Variants in RYK observed in about 807,000 individuals in gnomAD.
The protein encoded by RYK is receptor like tyrosine kinase, also known as inactive tyrosine-protein kinase RYK.
RYK carries 21 observed loss-of-function variants against 70.2 expected under a neutral mutation model. The ratio of observed to expected loss-of-function variants is 0.30; its 90% CI spans 0.21 to 0.43. RYK has a LOEUF of 0.43. Among genes scored for constraint, RYK ranks in the 20% least tolerant of loss-of-function variants. RYK has a pLI of 1.00. For missense variants in RYK, 604 were observed against 753.3 expected (o/e 0.80, Z 2.32); for synonymous variants, 267 against 278.0 (o/e 0.96, Z 0.39).
chr3:134,223,193 G>C lies in RYK; in HGVS notation c.233-654C>G, dbSNP rs540904999. On this transcript the variant is annotated intron_variant, in intron 1 of 14. Coordinates refer to ENST00000623711, the MANE Select transcript of RYK (RefSeq NM_002958.4). ...AAACATAAATGCTTGTTAACCAAGA[G>C]GTTAGTACTATAGACAAAACAAAAA... 4.6e-5 allele frequency among the ~76,000 whole-genome samples: 7 copies of C among 152,226 alleles called. No individual in the cohort carries two copies. In the South Asian group the frequency reaches 1.5e-3, roughly 32 times the overall value.
chr3:134,207,559 A>T, intron 4 of RYK, 34 bp from the exon 5 acceptor site: 1 of 1,418,728 alleles, frequency 7.0e-7, no homozygotes, highest in South Asian at 1.3e-5. Context: ...TGCTTTAGAA[A>T]TTCTCTTTTC....
chr3:134,219,340 G>A (rs912298487), intron 2 of RYK, among the ~76,000 whole-genome samples: 1 of 152,128 alleles, frequency 6.6e-6, no homozygotes, highest in Non-Finnish European at 1.5e-5. Flanking sequence ...TATTTTAACT[G>A]TTTTAAAGGA....
intron 6 of RYK, among the ~76,000 whole-genome samples, chr3:134,200,724 CTT>C (rs1313484225): frequency 3.3e-5 from 5 of 152,174 alleles, no homozygotes; most frequent in Non-Finnish European, 7.3e-5. Flanking sequence ...GGCTATATAA[CTT>C]AATCCATGTA....
Position 134,211,896 on chromosome 3 carries a change from CAGAG to C in RYK, c.355-293_355-290del, listed in dbSNP as rs1358066731. ...CCTGCTGAGAACTATGCAGCACTGA[CAGAG>C]AGGCCATGGAGAGCCAGATATGAAG... On this transcript the variant is annotated intron_variant, in intron 2 of 14. Coordinates refer to ENST00000623711, the MANE Select transcript of RYK (RefSeq NM_002958.4). Among the ~76,000 whole-genome samples the C allele has an allele frequency of 2.6e-5, 4 of 152,214 alleles. No homozygotes were observed. The South Asian group carries it at 6.2e-4, about 24-fold the overall frequency.
At chr3:134,248,752 C>G (rs1027076837) in intron 1 of RYK, among the ~76,000 whole-genome samples, 2 of 152,082 alleles carry the variant, frequency 1.3e-5, no homozygotes, top group Admixed American at 1.3e-4. Flanking sequence ...GAGCCGAGAT[C>G]ACGCCACTGC....
chr3:134,205,947 C>T lies in RYK; in HGVS notation c.643+1525G>A, dbSNP rs960146500. 1.4e-4 allele frequency among the ~76,000 whole-genome samples: 22 copies of T among 152,106 alleles called. 1 individual carries two copies. Among genetic ancestry groups the T allele is most frequent in the Admixed American group, 1.3e-3 (20 of 15,276 alleles). ...TGGGTGGATGAATAAATAGAAAGGGCGGGAAGATGAGAGGCAGCAAGGAAG... is the reference window on the plus strand; with the variant it reads ...TGGGTGGATGAATAAATAGAAAGGGTGGGAAGATGAGAGGCAGCAAGGAAG... On this transcript the variant is annotated intron_variant, in intron 5 of 14. Coordinates refer to ENST00000623711, the MANE Select transcript of RYK (RefSeq NM_002958.4).
At chr3:134,199,962 T>A (rs13071154) in intron 6 of RYK, among the ~76,000 whole-genome samples, 1,445 of 7,862 alleles carry the variant, frequency 0.18, 11 homozygotes, top group Non-Finnish European at 0.46. Flanking sequence ...TAGCTAAAGG[T>A]TTGTAAACGC....
intron 1 of RYK, among the ~76,000 whole-genome samples, chr3:134,231,308 G>C (rs529129720): frequency 2.0e-5 from 3 of 152,078 alleles, no homozygotes; most frequent in Admixed American, 6.5e-5. Flanking sequence ...CAAGGAGACG[G>C]GTGGATATAG....
At chr3:134,249,373 TA>T (rs146392941) in intron 1 of RYK, among the ~76,000 whole-genome samples, 3 of 151,176 alleles carry the variant, frequency 2.0e-5, no homozygotes, top group Admixed American at 6.6e-5. Context: ...TCTTATTACT[TA>T]AAAAAAAATA....
intron 7 of RYK, 132 bp from the exon 8 acceptor site, chr3:134,192,106 T>C: frequency 1.2e-6 from 1 of 832,612 alleles, no homozygotes; most frequent in African/African-American, 1.8e-5. Context: ...GAAACAGGCA[T>C]ATATATGAAC....
chr3:134,217,868 T>TTTTA (rs1366484117), intron 2 of RYK, among the ~76,000 whole-genome samples: 1 of 152,200 alleles, frequency 6.6e-6, no homozygotes, highest in Non-Finnish European at 1.5e-5. Context: ...ATAAGATTAA[T>TTTTA]TTTTAAAATA....
intron 9 of RYK, 117 bp from the exon 10 acceptor site, chr3:134,183,188 A>T (rs138114793): frequency 4.1e-6 from 2 of 488,576 alleles, no homozygotes; most frequent in Non-Finnish European, 6.9e-6. Flanking sequence ...TTTCATTATA[A>T]GTTACAGGTA....
Position 134,195,132 on chromosome 3 carries a change from G to T in RYK, c.839C>A (p.Thr280Lys), listed in dbSNP as rs139935782. 1 of 1,613,560 alleles carries T rather than the reference G, an allele frequency of 6.2e-7. No individual in the cohort carries two copies. The highest frequency in any genetic ancestry group is 8.5e-7 in the Non-Finnish European group (1 of 1,179,624). ...CGTGTCTGCTCTCAGATACTGAGTCGTCTGGGTGGATGGCTGAGACAGCCC... is the reference window on the plus strand; with the variant it reads ...CGTGTCTGCTCTCAGATACTGAGTCTTCTGGGTGGATGGCTGAGACAGCCC... ...SQGLSQPSTQ[T>K]TQYLRADTPN... is the part of the protein sequence containing the mutation. The change falls in exon 7 of 15, where the codon ACG becomes AAG. Residue 280 changes from threonine to lysine, a missense_variant. Thr to Lys is a moderately conservative substitution (Grantham distance 78). Coordinates refer to ENST00000623711, the MANE Select transcript of RYK (RefSeq NM_002958.4).
intron 11 of RYK, among the ~76,000 whole-genome samples, chr3:134,176,526 C>T (rs1022717870): frequency 6.6e-6 from 1 of 152,102 alleles, no homozygotes; most frequent in Non-Finnish European, 1.5e-5. Context: ...ATCACTTGAG[C>T]CCAGGAGTTC....
chr3:134,246,044 T>C (rs1023045174), intron 1 of RYK, among the ~76,000 whole-genome samples: 22 of 150,918 alleles, frequency 1.5e-4, no homozygotes, highest in African/African-American at 5.1e-4. Flanking sequence ...ATTAAAAATA[T>C]ATTAAACACA....
intron 6 of RYK, among the ~76,000 whole-genome samples, chr3:134,197,171 T>C (rs2013843939): frequency 6.6e-6 from 1 of 152,316 alleles, no homozygotes; most frequent in Non-Finnish European, 1.5e-5. Context: ...ATAATAAAGA[T>C]TCATTAGGCT....
chr3:134,174,567 T>C (rs979935279), intron 13 of RYK, among the ~76,000 whole-genome samples: 5 of 152,140 alleles, frequency 3.3e-5, no homozygotes, highest in East Asian at 3.9e-4. Flanking sequence ...AAACAGATTA[T>C]CACTGAGTGA....
At chr3:134,225,690 T>TA (rs1444242725) in intron 1 of RYK, among the ~76,000 whole-genome samples, 2 of 152,004 alleles carry the variant, frequency 1.3e-5, no homozygotes, top group African/African-American at 4.8e-5. Flanking sequence ...CCCATCTCTA[T>TA]AAAAAACTTT....
chr3:134,233,177 G>A (rs1270110216), intron 1 of RYK, among the ~76,000 whole-genome samples: 1 of 152,220 alleles, frequency 6.6e-6, no homozygotes. Context: ...GTTTGACTGG[G>A]CTGCCCAAGT....
Sources: allele counts gnomAD v4.1 joint callset (sites outside exome capture counted in the v4.1 genomes callset), GRCh38; gene constraint gnomAD v4.1.1; transcripts MANE v1.5; gene names NCBI Gene and HGNC (gene_info 2026-07-23, HGNC 2026-07-21).